ANK2: variants seen among roughly 807,000 people sequenced by gnomAD.
ANK2 encodes the protein ankyrin-2.
ANK2 carries 83 observed loss-of-function variants against 360.5 expected under a neutral mutation model. The observed-to-expected ratio is 0.23, with a 90% CI of 0.19 to 0.28. ANK2 has a LOEUF of 0.28. ANK2 is among the 10% of genes least tolerant of loss of function. ANK2 has a pLI of 1.00. For missense variants in ANK2, 4,201 were observed against 4,795.7 expected (o/e 0.88, Z 3.66); for synonymous variants, 1,740 against 1,759.5 (o/e 0.99, Z 0.28).
intron 1 of ANK2, among the ~76,000 whole-genome samples, chr4:113,133,487 C>T (rs2154379521): frequency 6.6e-6 from 1 of 152,234 alleles, no homozygotes; most frequent in Non-Finnish European, 1.5e-5. Context: ...CAAATAAATA[C>T]CTTAAGTGAC....
chr4:112,795,506 A>AT, the ANK2 span, among the ~76,000 whole-genome samples: 37,542 of 151,622 alleles, frequency 0.25, 5,118 homozygotes, highest in East Asian at 0.53. Flanking sequence ...ACTAGATTAA[A>AT]TTTTTTTTAT....
intron 2 of ANK2, among the ~76,000 whole-genome samples, chr4:112,957,331 G>T (rs914736311): frequency 6.6e-6 from 1 of 152,166 alleles, no homozygotes; most frequent in Non-Finnish European, 1.5e-5. Flanking sequence ...AGGGTTAGGG[G>T]TAAGATCACA....
chr4:113,262,737 A>G (rs973779663), intron 13 of ANK2, among the ~76,000 whole-genome samples: 2 of 150,522 alleles, frequency 1.3e-5, no homozygotes, highest in Admixed American at 6.6e-5. Context: ...TATAAGTAAT[A>G]TAGAGCTGAA....
chr4:113,259,902 CA>C (rs2051781845), intron 13 of ANK2, among the ~76,000 whole-genome samples: 1 of 148,588 alleles, frequency 6.7e-6, no homozygotes, highest in Non-Finnish European at 1.5e-5. Flanking sequence ...CAGCAACCAA[CA>C]AAAGAAACAA....
the ANK2 span, among the ~76,000 whole-genome samples, chr4:112,775,515 T>TCACACA: frequency 1.0e-3 from 121 of 118,146 alleles, 1 homozygote; most frequent in African/African-American, 2.6e-3. Context: ...CTAAGCTCCA[T>TCACACA]CACACACACA....
intron 4 of ANK2, among the ~76,000 whole-genome samples, chr4:113,219,330 C>A (rs938403132): frequency 3.3e-5 from 5 of 151,764 alleles, no homozygotes; most frequent in Non-Finnish European, 7.4e-5. Flanking sequence ...ACTTTTATAA[C>A]AAATTGGGTA....
chr4:112,729,592 A>G, the ANK2 span, among the ~76,000 whole-genome samples: 1 of 152,006 alleles, frequency 6.6e-6, no homozygotes, highest in East Asian at 1.9e-4. Context: ...ACTAAAAAAT[A>G]CAAAAATTAT....
chr4:112,859,486 C>G (rs1460927647), intron 1 of ANK2, among the ~76,000 whole-genome samples: 2 of 152,202 alleles, frequency 1.3e-5, no homozygotes, highest in Non-Finnish European at 2.9e-5. Flanking sequence ...ACTGATCTAC[C>G]TGGTCTCTGC....
intron 1 of ANK2, among the ~76,000 whole-genome samples, chr4:112,867,499 C>G (rs2071091955): frequency 6.6e-6 from 1 of 151,990 alleles, no homozygotes; most frequent in African/African-American, 2.4e-5. Context: ...ACCACCATTA[C>G]TATCTATTAT....
At position 113,004,003 on chromosome 4, in the gene ANK2, A is replaced by T. The variant is rs184890271; in HGVS notation, c.21+99489A>T. Reference sequence around the variant, plus strand: ...AATACAATATAAAAGATAAACAATGATACATCGGTATAGGGCACTAACCAT... The same window carrying T: ...AATACAATATAAAAGATAAACAATGTTACATCGGTATAGGGCACTAACCAT... On this transcript the variant is annotated intron_variant, in intron 2 of 30. Transcript: ENST00000503271. Among the ~76,000 whole-genome samples the T allele has an allele frequency of 1.9e-4, 29 of 152,316 alleles. 1 individual carries two copies. The highest frequency in any genetic ancestry group is 1.7e-3 in the Admixed American group (26 of 15,298).
chr4:113,365,236 G>GT, intron 41 of ANK2, 54 bp downstream of exon 41: 4 of 1,517,436 alleles, frequency 2.6e-6, no homozygotes, highest in Admixed American at 3.6e-5. Context: ...TGTGTGTTGT[G>GT]TCTGTGTGTG....
rs574573286 is a variant in ANK2, at chr4:113,169,966, T to TTTAA, written c.85-4447_85-4446insATTA. Among the ~76,000 whole-genome samples, 650 of 152,324 alleles carry TTTAA rather than the reference T, an allele frequency of 4.3e-3. 8 individuals carry two copies. Among genetic ancestry groups the TTTAA allele is most frequent in the African/African-American group, 0.015 (618 of 41,580 alleles). On this transcript the variant is annotated intron_variant, in intron 1 of 45. Transcript: ENST00000357077. ...AAAGAAATAACCTCAGAGTTCTGTA[T>TTTAA]TTAGTTTCTGAATTTGACTCCAGTA...
At position 113,318,763 on chromosome 4, in the gene ANK2, T is replaced by C. The variant is rs79106239; in HGVS notation, c.2900+143T>C. On this transcript the variant is annotated intron_variant, in intron 26 of 45. Transcript: ENST00000357077. ...TTTAAACTTGTAAATAACATTGCTTTATCCAACATGGACTCTATATCTACA... is the reference window on the plus strand; with the variant it reads ...TTTAAACTTGTAAATAACATTGCTTCATCCAACATGGACTCTATATCTACA... 1.2e-3 allele frequency: 883 copies of C among 712,862 alleles called. 5 individuals carry two copies. The African/African-American group carries it at 0.014, about 11-fold the overall frequency. The allele number at this position is 712,862 out of a possible 1,614,324, so 44.2% of individuals were successfully genotyped here.
chr4:112,826,450 C>T, intron 1 of ANK2: 1 of 1,060,214 alleles, frequency 9.4e-7, no homozygotes, highest in Non-Finnish European at 1.4e-6. Flanking sequence ...TCTTCAGGTG[C>T]AGCTATTTGT....
At chr4:113,302,230 C>G (rs1233015563) in intron 22 of ANK2, among the ~76,000 whole-genome samples, 1 of 152,128 alleles carries the variant, frequency 6.6e-6, no homozygotes, top group Non-Finnish European at 1.5e-5. Flanking sequence ...GGCAAATAAG[C>G]AACAAACCAG....
At chr4:112,955,218 A>T (rs1394581676) in intron 2 of ANK2, among the ~76,000 whole-genome samples, 1 of 152,158 alleles carries the variant, frequency 6.6e-6, no homozygotes, top group Non-Finnish European at 1.5e-5. Context: ...TATCTTTTTT[A>T]ATTTAAAAAG....
chr4:113,187,706 G>C (rs2098555552), intron 2 of ANK2, among the ~76,000 whole-genome samples: 2 of 152,182 alleles, frequency 1.3e-5, no homozygotes, highest in Non-Finnish European at 2.9e-5. Context: ...TTCAAAGAAT[G>C]ATTTATAAAC....
chr4:112,906,484 T>C lies in ANK2; in HGVS notation c.21+1970T>C, dbSNP rs138593528. Among the ~76,000 whole-genome samples, 7 of 152,200 alleles carry C rather than the reference T, an allele frequency of 4.6e-5. No homozygotes were observed. The East Asian group carries it at 1.4e-3, about 29-fold the overall frequency. ...AGTCTTGAACATGTTTACATTTTAA[T>C]GGGAACAGTGCAGAAGAAGGAGAGA... On this transcript the variant is annotated intron_variant, in intron 2 of 30. Coordinates refer to the ANK2 transcript ENST00000503271.
chr4:112,986,411 T>C (rs1441341842), intron 2 of ANK2, among the ~76,000 whole-genome samples: 1 of 152,242 alleles, frequency 6.6e-6, no homozygotes, highest in Non-Finnish European at 1.5e-5. Context: ...AACTGGCAAA[T>C]TGTAAAAGCC....
Sources: allele counts gnomAD v4.1 joint callset (sites outside exome capture counted in the v4.1 genomes callset), GRCh38; gene constraint gnomAD v4.1.1; transcripts MANE v1.5; gene names NCBI Gene and HGNC (gene_info 2026-07-23, HGNC 2026-07-21).